Variants in SLAMF7 observed in about 807,000 individuals in gnomAD.
SLAMF7 encodes the protein SLAM family member 7.
In SLAMF7, 26 loss-of-function variants were observed where a neutral mutation model predicts 34.1. The ratio of observed to expected loss-of-function variants is 0.76; its 90% confidence interval spans 0.56 to 1.06. The LOEUF (loss-of-function observed/expected upper bound fraction) is 1.06. SLAMF7 is among the 50% of genes least tolerant of loss of function. The pLI is 0.00. For missense variants in SLAMF7, 399 were observed against 402.5 expected (o/e 0.99, Z 0.07); for synonymous variants, 171 against 156.4 (o/e 1.09, Z -0.70).
At chr1:160,751,899 T>TATAC (rs1553252808) in intron 5 of SLAMF7, 9 of 130,026 alleles carry the variant, frequency 6.9e-5, no homozygotes, top group African/African-American at 2.5e-4. Flanking sequence ...TATATATATA[T>TATAC]ATACACACAC....
At position 160,750,638 on chromosome 1, in the gene SLAMF7, C is replaced by T. The variant is rs187536205; in HGVS notation, c.769+215C>T. 18 of 474,080 alleles carry T rather than the reference C, an allele frequency of 3.8e-5. No homozygotes were observed. In the Admixed American group the frequency reaches 6.6e-4, roughly 17 times the overall value. The allele number at this position is 474,080 out of a possible 1,614,324, so 29.4% of individuals were successfully genotyped here. A position where few individuals can be genotyped will look rare whatever the true frequency, so the allele number is the denominator to read the frequency against. ...GTGCTGGAGGTCTTTCCCAAGGACA[C>T]GGTTCTCCCAGTTCCCTTTCCAGGG... is the stretch of plus-strand genomic sequence containing the variant. On this transcript the variant is annotated intron_variant, in intron 4 of 6. Transcript: ENST00000368043.
intron 1 of SLAMF7, among the ~76,000 whole-genome samples, chr1:160,747,694 G>A (rs1489604893): frequency 1.3e-5 from 2 of 152,214 alleles, no homozygotes; most frequent in Admixed American, 6.5e-5. Flanking sequence ...GTGAGACTCT[G>A]TCTCAAAAAC....
chr1:160,739,869 T>C (rs1363451492), intron 1 of SLAMF7: 1 of 154,360 alleles, frequency 6.5e-6, no homozygotes, highest in South Asian at 2.0e-4. Context: ...CAGTCTCTAC[T>C]TAGAGAACCA....
intron 6 of SLAMF7, among the ~76,000 whole-genome samples, chr1:160,752,597 C>T (rs1664724824): frequency 1.3e-5 from 2 of 152,162 alleles, no homozygotes; most frequent in African/African-American, 4.8e-5. Context: ...AGAGGAGAGT[C>T]CAGCTTTCTC....
At chr1:160,751,497 C>T (rs1466159658) in intron 5 of SLAMF7, 49 bp downstream of exon 5, 3 of 1,478,056 alleles carry the variant, frequency 2.0e-6, no homozygotes, top group Non-Finnish European at 2.8e-6. Context: ...CTCTGAGGCT[C>T]TCCTTGTGAG....
rs1664563626 is a variant in SLAMF7 at position 160,751,369 on chromosome 1, T to C, written c.794T>C (p.Val265Ala). ...GAGTACATTGAAGAGAAGAAGAGAGTGGACATTTGTCGGGAAACTCCTAAC... is the reference window on the plus strand; with the variant it reads ...GAGTACATTGAAGAGAAGAAGAGAGCGGACATTTGTCGGGAAACTCCTAAC... ...QEEYIEEKKR[V>A]DICRETPNIC... is the part of the protein sequence containing the mutation. Residue 265 changes from valine (V) to alanine (A), a missense_variant, in exon 5 of 7, where the codon GTG (valine) becomes GCG (alanine). Coordinates refer to ENST00000368043, the MANE Select transcript of SLAMF7 (RefSeq NM_021181.5). The C allele has an allele frequency of 1.2e-6, 2 of 1,613,774 alleles. No individual in the cohort carries two copies. The highest frequency in any genetic ancestry group is 1.1e-5 in the South Asian group (1 of 91,070).
chr1:160,747,670 G>T (rs920605112), intron 1 of SLAMF7, among the ~76,000 whole-genome samples: 1 of 152,180 alleles, frequency 6.6e-6, no homozygotes, highest in Non-Finnish European at 1.5e-5. Flanking sequence ...CTGCAATCCC[G>T]CCTGGGCAAC....
At chr1:160,746,351 T>C (rs1340633352) in intron 1 of SLAMF7, among the ~76,000 whole-genome samples, 1 of 152,250 alleles carries the variant, frequency 6.6e-6, no homozygotes, top group African/African-American at 2.4e-5. Context: ...AGTCACCATG[T>C]AGCCTTGCAG....
intron 2 of SLAMF7, among the ~76,000 whole-genome samples, chr1:160,749,001 A>G (rs556805159): frequency 6.6e-6 from 1 of 152,298 alleles, no homozygotes; most frequent in South Asian, 2.1e-4. Flanking sequence ...GCTTCCTTTC[A>G]ATTCTAGACC....
intron 1 of SLAMF7, among the ~76,000 whole-genome samples, chr1:160,744,133 G>A (rs1663956383): frequency 6.6e-6 from 1 of 152,174 alleles, no homozygotes; most frequent in Admixed American, 6.6e-5. Context: ...TTAAAAGAAG[G>A]AATGACTGAA....
intron 1 of SLAMF7, among the ~76,000 whole-genome samples, chr1:160,741,488 C>T (rs990234998): frequency 6.6e-6 from 1 of 152,064 alleles, no homozygotes; most frequent in Non-Finnish European, 1.5e-5. Context: ...TTACACTGCT[C>T]TTTCGTGAGT....
Position 160,739,269 on chromosome 1 carries a change from C to G in SLAMF7, c.-33C>G. ...TGAGTAATACCTAAGAGGGAAGTGG[C>G]TTCATTTCAGTGGCTGACTTCCAGA... On this transcript the variant is annotated 5_prime_UTR_variant, in exon 1 of 7. Transcript: ENST00000368043. 1 of 1,606,984 alleles carries G rather than the reference C, an allele frequency of 6.2e-7. No individual in the cohort carries two copies. Among genetic ancestry groups the G allele is most frequent in the South Asian group, 1.1e-5 (1 of 90,928 alleles).
At chr1:160,750,857 G>A (rs1664518010) in intron 4 of SLAMF7, 12 of 219,032 alleles carry the variant, frequency 5.5e-5, no homozygotes, top group Admixed American at 3.7e-4. Flanking sequence ...CCTTTCCACA[G>A]GATCAACCCA....
chr1:160,753,342 A>G lies in SLAMF7; in HGVS notation c.*165A>G. On this transcript the variant is annotated 3_prime_UTR_variant, in exon 7 of 7. Coordinates refer to ENST00000368043, the MANE Select transcript of SLAMF7 (RefSeq NM_021181.5). Reference sequence around the variant, plus strand: ...TCTCTGATGCTTCTTTAGATTTAAGAGTTCATAATTCCATCCACTGCTGAG... The same window carrying G: ...TCTCTGATGCTTCTTTAGATTTAAGGGTTCATAATTCCATCCACTGCTGAG... 1 of 635,664 alleles carries G rather than the reference A, an allele frequency of 1.6e-6. No homozygotes were observed. The highest frequency in any genetic ancestry group is 2.1e-5 in the South Asian group (1 of 48,438). 39.4% of individuals were successfully genotyped at this position (635,664 alleles called of 1,614,324 possible). A position where few individuals can be genotyped will look rare whatever the true frequency, so the allele number is the denominator to read the frequency against.
chr1:160,751,160 C>T lies in SLAMF7; in HGVS notation c.770-185C>T, dbSNP rs139148358. Reference sequence around the variant, plus strand: ...AGTGAAATGTTGGGGGTGGCCAATTCATCCTGATTTGTTTAGATTTTCCCA... The same window carrying T: ...AGTGAAATGTTGGGGGTGGCCAATTTATCCTGATTTGTTTAGATTTTCCCA... On this transcript the variant is annotated intron_variant, in intron 4 of 6. Coordinates refer to ENST00000368043, the MANE Select transcript of SLAMF7 (RefSeq NM_021181.5). 6.2e-4 allele frequency: 359 copies of T among 575,824 alleles called. 7 individuals carry two copies. The East Asian group carries it at 7.9e-3, about 13-fold the overall frequency. 35.7% of individuals were successfully genotyped at this position (575,824 alleles called of 1,614,324 possible).
At chr1:160,740,951 A>G (rs1406887767) in intron 1 of SLAMF7, among the ~76,000 whole-genome samples, 1 of 152,162 alleles carries the variant, frequency 6.6e-6, no homozygotes, top group African/African-American at 2.4e-5. Context: ...TAATCATAAC[A>G]AGCCGTCTAT....
chr1:160,750,405 A>G lies in SLAMF7; in HGVS notation c.751A>G (p.Lys251Glu). Residue 251 changes from lysine (K) to glutamate (E), a missense_variant, in exon 4 of 7, where the codon AAG becomes GAG. Physicochemically the swap from Lys to Glu is moderately conservative, Grantham distance 56. Transcript: ENST00000368043. ...FVLGLFLWFL[K>E]RERQEEYIEE... is the part of the protein sequence containing the mutation. ...ACTGGGGCTATTTCTTTGGTTTCTG[A>G]AGAGAGAGAGACAAGAAGGTAGAGC... The G allele has an allele frequency of 6.2e-7, 1 of 1,613,858 alleles. No individual in the cohort carries two copies. Among genetic ancestry groups the G allele is most frequent in the Non-Finnish European group, 8.5e-7 (1 of 1,179,876 alleles).
At chr1:160,750,560 G>A in intron 4 of SLAMF7, 137 bp downstream of exon 4, 2 of 1,035,796 alleles carry the variant, frequency 1.9e-6, no homozygotes, top group Non-Finnish European at 2.8e-6. Context: ...CACAGTCTCT[G>A]CCCTCAAGAA....
intron 1 of SLAMF7, among the ~76,000 whole-genome samples, chr1:160,742,531 C>T (rs751391319): frequency 1.3e-5 from 2 of 152,188 alleles, no homozygotes; most frequent in East Asian, 1.9e-4. Flanking sequence ...ATTTCCTGAC[C>T]TTGTCACCCG....
Sources: gnomAD v4.1 joint callset for allele counts (sites outside exome capture counted in the v4.1 genomes callset) on GRCh38, gnomAD v4.1.1 for gene constraint, MANE v1.5 for transcripts, NCBI Gene and HGNC (gene_info 2026-07-23, HGNC 2026-07-21) for gene names.